The following UBR4 variants were observed in gnomAD, a reference collection of about 807,000 sequenced individuals.
UBR4 encodes the protein E3 ubiquitin-protein ligase UBR4.
Under a neutral mutation model 575.6 loss-of-function variants are expected in UBR4, and 124 were observed. That is an observed-to-expected ratio of 0.22 (90% CI 0.19 to 0.25). The LOEUF is 0.25. Ranked by LOEUF, UBR4 falls within the 10% of genes least tolerant of loss-of-function variation. The pLI is 1.00. For synonymous variants in UBR4, 2,455 were observed against 2,473.7 expected (o/e 0.99, Z 0.22); for missense variants, 4,818 against 6,478.8 (o/e 0.74, Z 8.80).
At chr1:19,182,964 A>G (rs2091152298) in intron 17 of UBR4, among the ~76,000 whole-genome samples, 9 of 152,258 alleles carry the variant, frequency 5.9e-5, no homozygotes, top group Admixed American at 5.9e-4. Flanking sequence ...CTTGAGATTT[A>G]GGATTCAAGA....
At chr1:19,181,695 T>C (rs1023348125) in intron 17 of UBR4, among the ~76,000 whole-genome samples, 1 of 152,226 alleles carries the variant, frequency 6.6e-6, no homozygotes, top group African/African-American at 2.4e-5. Flanking sequence ...GAGACTGCAA[T>C]AATAATATTA....
Position 19,100,307 on chromosome 1 carries a change from C to G in UBR4, c.13221+69G>C. The G allele has an allele frequency of 6.4e-7, 1 of 1,568,002 alleles. No homozygotes were observed. On this transcript the variant is annotated intron_variant, in intron 89 of 105. Coordinates refer to ENST00000375254, the MANE Select transcript of UBR4 (RefSeq NM_020765.3). This position sits in a 1 kb window ranked among gnomAD's most constrained non-coding sequence, Gnocchi z 4.2. ...TTAATCAGCTACTAGGAAGAAGCAC[C>G]TGGATTTGGTTAGCCTAGGAGGAAG... is the stretch of plus-strand genomic sequence containing the variant.
Position 19,156,899 on chromosome 1 carries a change from G to C in UBR4, c.5787C>G (p.Leu1929=), listed in dbSNP as rs780931711. ...GKITVLQLSA[L]LKQADSSKRK... is the part of the protein sequence containing the mutation. The stretch of plus-strand genomic sequence containing the variant: ...TTTTGCTGGAATCTGCTTGCTTCAG[G>C]AGTGCAGAGAGCTGCAGAACGGTGA... Residue 1929 remains leucine (L), a synonymous_variant, in exon 41 of 106, where the codon CTC becomes CTG. Coordinates refer to ENST00000375254, the MANE Select transcript of UBR4 (RefSeq NM_020765.3). 11 of 1,614,066 alleles carry C rather than the reference G, an allele frequency of 6.8e-6. No individual in the cohort carries two copies. Among genetic ancestry groups the C allele is most frequent in the Non-Finnish European group, 8.5e-6 (10 of 1,179,970 alleles).
chr1:19,168,684 C>T (rs2150785051), intron 27 of UBR4, among the ~76,000 whole-genome samples: 1 of 152,204 alleles, frequency 6.6e-6, no homozygotes, highest in East Asian at 1.9e-4. Flanking sequence ...TGACAGAAGA[C>T]TCAGTAGTAT....
chr1:19,168,512 C>A (rs566354068), intron 27 of UBR4, among the ~76,000 whole-genome samples: 1 of 152,256 alleles, frequency 6.6e-6, no homozygotes, highest in East Asian at 1.9e-4. Flanking sequence ...TTTTGCAATG[C>A]ATCTGGTCTC....
Position 19,162,472 on chromosome 1 carries a change from T to C in UBR4, c.4904A>G (p.Asp1635Gly). The change falls in exon 35 of 106, where the codon GAC (aspartate) becomes GGC (glycine). Residue 1635 changes from aspartate to glycine, a missense_variant. Transcript: ENST00000375254. ...TTCCACCGCCAACTCCTCCACCCAGTCTGAGTCTACTTCAATGGCCCGCTC... is the reference window on the plus strand; with the variant it reads ...TTCCACCGCCAACTCCTCCACCCAGCCTGAGTCTACTTCAATGGCCCGCTC... ...GEERAIEVDS[D>G]WVEELAVEEE... 6.2e-7 allele frequency: 1 copy of C among 1,614,106 alleles called. No homozygotes were observed. Among genetic ancestry groups the C allele is most frequent in the Non-Finnish European group, 8.5e-7 (1 of 1,180,002 alleles).
chr1:19,180,836 G>A (rs2151131576), intron 17 of UBR4, among the ~76,000 whole-genome samples: 1 of 152,104 alleles, frequency 6.6e-6, no homozygotes, highest in South Asian at 2.1e-4. Context: ...TCTAAGTAAG[G>A]TAACTGACTC....
At chr1:19,154,299 G>C (rs537993294) in intron 44 of UBR4, among the ~76,000 whole-genome samples, 19 of 152,304 alleles carry the variant, frequency 1.2e-4, no homozygotes, top group African/African-American at 4.3e-4. Flanking sequence ...GTGTGAACTG[G>C]TATCCATTTT....
At chr1:19,195,138 A>G (rs2092372174) in intron 8 of UBR4, among the ~76,000 whole-genome samples, 1 of 151,280 alleles carries the variant, frequency 6.6e-6, no homozygotes, top group African/African-American at 2.4e-5. Flanking sequence ...GGTAGTGGGC[A>G]CCTGTGGTCC....
intron 60 of UBR4, among the ~76,000 whole-genome samples, chr1:19,134,752 C>T (rs1310233463): frequency 6.6e-6 from 1 of 151,420 alleles, no homozygotes; most frequent in Non-Finnish European, 1.5e-5. Flanking sequence ...TCAAAGAGAA[C>T]CTCACAGAAG....
chr1:19,138,287 G>T, intron 59 of UBR4, 106 bp from the exon 60 acceptor site: 1 of 1,191,908 alleles, frequency 8.4e-7, no homozygotes, highest in Non-Finnish European at 1.1e-6. Flanking sequence ...GACAGCATTA[G>T]ACAATAACTG....
chr1:19,128,067 G>C (rs1399552112), intron 62 of UBR4, 144 bp downstream of exon 62: 2 of 797,768 alleles, frequency 2.5e-6, no homozygotes, highest in African/African-American at 3.4e-5. Flanking sequence ...CCCTGAATAC[G>C]CTTTTGTTGA....
chr1:19,098,436 T>C (rs1184876964), intron 90 of UBR4, among the ~76,000 whole-genome samples: 1 of 152,264 alleles, frequency 6.6e-6, no homozygotes, highest in East Asian at 1.9e-4. Context: ...TCAACTTCTA[T>C]CTTGCTTCAC....
At chr1:19,076,172 C>A (rs1354295565) in intron 105 of UBR4, among the ~76,000 whole-genome samples, 1 of 152,166 alleles carries the variant, frequency 6.6e-6, no homozygotes, top group East Asian at 1.9e-4. Context: ...ATTTGTTACA[C>A]AAAGAATTTC....
At chr1:19,161,245 C>G (rs1180671150) in intron 37 of UBR4, 98 bp from the exon 38 acceptor site, 10 of 1,168,582 alleles carry the variant, frequency 8.6e-6, no homozygotes, top group Non-Finnish European at 1.1e-5. Context: ...AAAGAAGAAA[C>G]TGGCTAAGCG....
At chr1:19,151,940 C>T (rs2085780394) in intron 47 of UBR4, 81 bp from the exon 48 acceptor site, 2 of 1,262,148 alleles carry the variant, frequency 1.6e-6, no homozygotes, top group Non-Finnish European at 2.2e-6. Flanking sequence ...CTGACATTGT[C>T]TCAACATGTG....
At chr1:19,128,092 G>C in intron 62 of UBR4, 119 bp downstream of exon 62, 1 of 959,896 alleles carries the variant, frequency 1.0e-6, no homozygotes, top group South Asian at 1.4e-5. Context: ...ACAGAATGCA[G>C]CCCTCAGTGG....
chr1:19,075,036 G>C, intron 105 of UBR4, 140 bp from the exon 106 acceptor site: 1 of 820,254 alleles, frequency 1.2e-6, no homozygotes, highest in Non-Finnish European at 2.0e-6. Context: ...ACAGCAGCAT[G>C]ACCGGGGAGG....
chr1:19,182,234 T>C (rs2151169574), intron 17 of UBR4, among the ~76,000 whole-genome samples: 1 of 152,338 alleles, frequency 6.6e-6, no homozygotes, highest in South Asian at 2.1e-4. Context: ...ATCTTCTGGC[T>C]ACTGTGAATA....
Sources: gnomAD v4.1 joint callset for allele counts (sites outside exome capture counted in the v4.1 genomes callset) on GRCh38, gnomAD v4.1.1 for gene constraint, Gnocchi (gnomAD v3.1) non-coding constraint, MANE v1.5 for transcripts, NCBI Gene and HGNC (gene_info 2026-07-23, HGNC 2026-07-21) for gene names.